RASGRF1: variants seen among roughly 807,000 people sequenced by gnomAD.
RASGRF1 encodes ras-specific guanine nucleotide-releasing factor 1.
A neutral mutation model predicts 138.7 loss-of-function variants in RASGRF1; 40 were observed. That is an observed-to-expected ratio of 0.29 (90% confidence interval 0.22 to 0.38). The LOEUF (loss-of-function observed/expected upper bound fraction) is 0.38, where lower values mean the gene tolerates loss of function less well. RASGRF1 is among the 10% of genes least tolerant of loss of function. The probability of loss-of-function intolerance (pLI) is 1.00; values close to 1 mark genes in which losing one functional copy is unlikely to be tolerated. For missense variants in RASGRF1, 1,108 were observed against 1,650.4 expected, an observed-to-expected ratio of 0.67 and a Z score of 5.69; for synonymous variants, 614 against 663.2, an observed-to-expected ratio of 0.93 and a Z score of 1.14.
At position 78,998,949 on chromosome 15, in the gene RASGRF1, G is replaced by A. The variant is rs1381151356; in HGVS notation, c.2747-124C>T. ...GGTGAGTGAGGGGGTCATGGGCAGG[G>A]GGATAACAACATGTTTAACAACTAG... On this transcript the variant is annotated intron_variant, in intron 17 of 26. Coordinates refer to ENST00000558480, the MANE Select transcript of RASGRF1 (RefSeq NM_001145648.3). 4 of 703,644 alleles carry A rather than the reference G, an allele frequency of 5.7e-6. No individual in the cohort carries two copies. In the African/African-American group the frequency reaches 7.0e-5, roughly 12 times the overall value. 43.6% of individuals were successfully genotyped at this position (703,644 alleles called of 1,614,324 possible).
chr15:79,065,196 A>G (rs2057661354), intron 1 of RASGRF1, among the ~76,000 whole-genome samples: 1 of 152,252 alleles, frequency 6.6e-6, no homozygotes, highest in African/African-American at 2.4e-5. Flanking sequence ...ATGTGGTGTG[A>G]TCACTACTGT....
chr15:79,005,192 G>A lies in RASGRF1; in HGVS notation c.2075+994C>T, dbSNP rs567521577. 6.7e-4 allele frequency: 661 copies of A among 985,562 alleles called. 2 individuals are homozygous for A. The highest frequency in any genetic ancestry group is 3.7e-3 in the Middle Eastern group (7 of 1,916). 61.1% of individuals were successfully genotyped at this position (985,562 alleles called of 1,614,324 possible). A position where few individuals can be genotyped will look rare whatever the true frequency, so the allele number is the denominator to read the frequency against. Reference sequence around the variant, plus strand: ...GATGTACCCTGCCCCAGTGAGGCCTGAGGTGGGGGCAGGAGGAGGGAACAG... The same window carrying A: ...GATGTACCCTGCCCCAGTGAGGCCTAAGGTGGGGGCAGGAGGAGGGAACAG... On this transcript the variant is annotated intron_variant, in intron 14 of 26. Transcript: ENST00000558480.
chr15:78,971,517 G>A (rs1321891959), intron 26 of RASGRF1, among the ~76,000 whole-genome samples: 1 of 152,288 alleles, frequency 6.6e-6, no homozygotes, highest in East Asian at 1.9e-4. Context: ...AGGTGGCTGG[G>A]GGACATTTCA....
At chr15:79,078,493 C>A (rs1483454687) in intron 1 of RASGRF1, among the ~76,000 whole-genome samples, 1 of 152,172 alleles carries the variant, frequency 6.6e-6, no homozygotes, top group African/African-American at 2.4e-5. Flanking sequence ...ACTTGTGGGG[C>A]CAGCAGAGGC....
chr15:79,064,040 A>G (rs1001425076), intron 2 of RASGRF1, among the ~76,000 whole-genome samples: 8 of 152,126 alleles, frequency 5.3e-5, no homozygotes, highest in African/African-American at 1.9e-4. Flanking sequence ...AGGTCCAGAG[A>G]GCAGAGAGGA....
rs1199419369 is a variant in RASGRF1, at chr15:78,962,148, G to A, written c.3770C>T (p.Thr1257Ile). ...SSLRIEPKLP[T>I] ...GGGTCTGGGCTGGGCTCAGCTTCAG[G>A]TGGGGAGTTTTGGTTCTATTCGGAG... The change falls in exon 27 of 27, where the codon ACC becomes ATC. Residue 1257 changes from threonine to isoleucine, a missense_variant. By Grantham distance (89) the Thr-to-Ile change is moderately conservative. This residue lies in a region of RASGRF1 where 686 missense variants were observed against 976.7 expected (regional missense o/e 0.70). Coordinates refer to ENST00000558480, the MANE Select transcript of RASGRF1 (RefSeq NM_001145648.3). 4 of 1,560,236 alleles carry A rather than the reference G, an allele frequency of 2.6e-6. No individual in the cohort carries two copies. Among genetic ancestry groups the A allele is most frequent in the Non-Finnish European group, 2.6e-6 (3 of 1,139,396 alleles).
intron 24 of RASGRF1, chr15:78,978,871 G>A (rs8038151): frequency 0.043 from 51,257 of 1,190,680 alleles, 1,359 homozygotes; most frequent in African/African-American, 0.11. Context: ...CCAGAGGCCC[G>A]CAGGCCACCT....
intron 26 of RASGRF1, among the ~76,000 whole-genome samples, chr15:78,963,795 T>C (rs1034366292): frequency 4.6e-5 from 7 of 152,226 alleles, no homozygotes; most frequent in Middle Eastern, 3.2e-3. Flanking sequence ...TCTAGGAAGA[T>C]GACTTTAGAT....
At position 79,046,952 on chromosome 15, in the gene RASGRF1, G is replaced by C. The variant is rs1374070920; in HGVS notation, c.672C>G (p.Thr224=). 6.2e-7 allele frequency: 1 copy of C among 1,613,858 alleles called. No individual in the cohort carries two copies. The highest frequency in any genetic ancestry group is 1.3e-5 in the African/African-American group (1 of 75,052). Reference sequence around the variant, plus strand: ...GTGACCGGATGTAGTCCTGGATGATGGTCTTCCACTTCCGCCGGCACAGCC... The same window carrying C: ...GTGACCGGATGTAGTCCTGGATGATCGTCTTCCACTTCCGCCGGCACAGCC... ...RGWLCRRKWK[T]IIQDYIRSPH... Residue 224 remains threonine (T), a synonymous_variant, in exon 5 of 27, where the codon ACC becomes ACG. Transcript: ENST00000558480. This position sits in a 1 kb window ranked among gnomAD's most constrained non-coding sequence, Gnocchi z 5.3.
Position 78,982,128 on chromosome 15 carries a change from C to A in RASGRF1, c.3415-1429G>T, listed in dbSNP as rs577254180. Among the ~76,000 whole-genome samples, 69 of 152,294 alleles carry A rather than the reference C, an allele frequency of 4.5e-4. 1 individual carries two copies. Among genetic ancestry groups the A allele is most frequent in the African/African-American group, 1.6e-3 (66 of 41,554 alleles). ...CCTTTATGGGCCTCAGTGTCCCCAT[C>A]TGGAAAATGGGAGGGTAAGTCCAGG... On this transcript the variant is annotated intron_variant, in intron 23 of 26. Coordinates refer to ENST00000558480, the MANE Select transcript of RASGRF1 (RefSeq NM_001145648.3).
intron 13 of RASGRF1, among the ~76,000 whole-genome samples, chr15:79,010,057 CAG>C (rs1299933350): frequency 7.2e-6 from 1 of 138,718 alleles, no homozygotes; most frequent in Non-Finnish European, 1.5e-5. Context: ...TCTTTTGAGA[CAG>C]AGTCTCACCC....
chr15:79,090,146 A>G (rs2058034934), intron 1 of RASGRF1, 77 bp downstream of exon 1: 2 of 1,458,388 alleles, frequency 1.4e-6, no homozygotes, highest in Non-Finnish European at 1.8e-6. Flanking sequence ...TTCAAGCGCC[A>G]TCAGCCAGCC....
Position 78,985,157 on chromosome 15 carries a change from GTTGATGTCC to G in RASGRF1, c.3255_3263del (p.Glu1085_Asn1088delinsAsp). The G allele has an allele frequency of 6.2e-7, 1 of 1,613,344 alleles. No individual in the cohort carries two copies. The highest frequency in any genetic ancestry group is 8.5e-7 in the Non-Finnish European group (1 of 1,179,266). ...ACTTCTCGATGGCGCTCACCCTGGCGTTGATGTCCTCATTGCGGATGATTTCTGAAGCAA... is the reference window on the plus strand; with the variant it reads ...ACTTCTCGATGGCGCTCACCCTGGCGTCATTGCGGATGATTTCTGAAGCAA... On this transcript the variant is annotated inframe_deletion, in exon 23 of 27. Coordinates refer to ENST00000558480, the MANE Select transcript of RASGRF1 (RefSeq NM_001145648.3).
intron 22 of RASGRF1, among the ~76,000 whole-genome samples, chr15:78,986,892 C>G (rs2056170290): frequency 6.6e-6 from 1 of 152,032 alleles, no homozygotes; most frequent in South Asian, 2.1e-4. Flanking sequence ...TGTATTATAC[C>G]TCTTAATTAA....
chr15:79,026,783 G>A (rs1407781142), intron 9 of RASGRF1, among the ~76,000 whole-genome samples: 1 of 152,152 alleles, frequency 6.6e-6, no homozygotes, highest in East Asian at 1.9e-4. Context: ...TTCAGAGGGG[G>A]CCTAAAATAC....
At chr15:78,978,960 C>G in intron 24 of RASGRF1, 1 of 1,287,128 alleles carries the variant, frequency 7.8e-7, no homozygotes, top group Non-Finnish European at 1.0e-6. Flanking sequence ...AGAGGGAAGA[C>G]GGTCAGGGTG....
intron 16 of RASGRF1, among the ~76,000 whole-genome samples, chr15:79,001,340 C>T (rs201455235): frequency 1.1e-4 from 17 of 149,916 alleles, no homozygotes; most frequent in East Asian, 7.8e-4. Flanking sequence ...GGATCTTCCA[C>T]GAATGAGCCC....
intron 20 of RASGRF1, among the ~76,000 whole-genome samples, 158 bp downstream of exon 20, chr15:78,995,582 C>T (rs2056374309): frequency 1.3e-5 from 2 of 152,234 alleles, no homozygotes; most frequent in Admixed American, 1.3e-4. Flanking sequence ...AGCCACTGCG[C>T]TCAGCCCATT....
At position 79,003,816 on chromosome 15, in the gene RASGRF1, G is replaced by A. The variant is rs745726848; in HGVS notation, c.2435C>T (p.Ala812Val). 33 of 1,602,646 alleles carry A rather than the reference G, an allele frequency of 2.1e-5. No homozygotes were observed. The highest frequency in any genetic ancestry group is 6.7e-5 in the East Asian group (3 of 44,766). Residue 812 changes from alanine (A) to valine (V), a missense_variant, in exon 15 of 27, where the codon GCG becomes GTG. Transcript: ENST00000558480. ...TTPEKPEDPS[A>V]LSKQSSEVSM... ...TGGCCACTCACTCTGCTTGCTGAGCGCTGAAGGGTCTTCGGGCTTCTCAGG... is the reference window on the plus strand; with the variant it reads ...TGGCCACTCACTCTGCTTGCTGAGCACTGAAGGGTCTTCGGGCTTCTCAGG...
Sources: gnomAD v4.1 joint callset for allele counts (sites outside exome capture counted in the v4.1 genomes callset) on GRCh38, gnomAD v4.1.1 for gene constraint, gnomAD v4.1.1 regional missense constraint, Gnocchi (gnomAD v3.1) non-coding constraint, MANE v1.5 for transcripts, NCBI Gene and HGNC (gene_info 2026-07-23, HGNC 2026-07-21) for gene names.